The following ACCSL variants were observed in gnomAD, a reference collection of about 807,000 sequenced individuals.
The protein encoded by ACCSL is 1-aminocyclopropane-1-carboxylate synthase homolog (inactive) like.
Under a neutral mutation model 61.7 loss-of-function variants are expected in ACCSL, and 55 were observed. The observed-to-expected ratio is 0.89, with a 90% CI of 0.72 to 1.12. The LOEUF (loss-of-function observed/expected upper bound fraction) is 1.12, where lower values mean the gene tolerates loss of function less well. Ranked by LOEUF, ACCSL falls within the 50% of genes most tolerant of loss-of-function variation. ACCSL has a pLI of 0.00. For missense variants in ACCSL, 632 were observed against 698.0 expected, an observed-to-expected ratio of 0.91 and a Z score of 1.07; for synonymous variants, 258 against 264.3, an observed-to-expected ratio of 0.98 and a Z score of 0.23.
At chr11:43,966,607 A>G in the ACCSL span, among the ~76,000 whole-genome samples, 4,818 of 152,274 alleles carry the variant, frequency 0.032, 277 homozygotes, top group African/African-American at 0.11. Context: ...CAAATAACCC[A>G]ATTAAAAAAT....
chr11:43,973,987 A>T, the ACCSL span: 1 of 152,218 alleles, frequency 6.6e-6, no homozygotes, highest in Non-Finnish European at 1.5e-5. Context: ...AGTGAATGTC[A>T]CTAGCCTGTG....
the ACCSL span, among the ~76,000 whole-genome samples, chr11:43,969,627 C>A: frequency 6.6e-6 from 1 of 152,000 alleles, no homozygotes; most frequent in East Asian, 1.9e-4. Flanking sequence ...GTCAGTGACT[C>A]CCGGGTTCCC....
the ACCSL span, chr11:43,945,764 C>T: frequency 1.3e-5 from 2 of 152,024 alleles, no homozygotes; most frequent in African/African-American, 4.8e-5. Context: ...GAGAGGATCA[C>T]CTGAGCCCAG....
At chr11:43,951,832 C>T in the ACCSL span, among the ~76,000 whole-genome samples, 1 of 152,104 alleles carries the variant, frequency 6.6e-6, no homozygotes, top group African/African-American at 2.4e-5. Context: ...GAAGCCCTGT[C>T]TCTACTAAAA....
At chr11:43,924,053 G>A in the ACCSL span, among the ~76,000 whole-genome samples, 91 of 152,314 alleles carry the variant, frequency 6.0e-4, no homozygotes, top group Middle Eastern at 6.8e-3. Context: ...TTTTAGCTCT[G>A]GATGCAAATT....
At chr11:44,034,158 T>C in the ACCSL span, among the ~76,000 whole-genome samples, 1 of 152,122 alleles carries the variant, frequency 6.6e-6, no homozygotes, top group East Asian at 1.9e-4. Context: ...TAACACCACA[T>C]GTACATGTAG....
At chr11:44,040,355 C>T in the ACCSL span, among the ~76,000 whole-genome samples, 3 of 152,142 alleles carry the variant, frequency 2.0e-5, no homozygotes, top group Admixed American at 2.0e-4. Flanking sequence ...CCAGGTGATG[C>T]CAATACCCTC....
At chr11:43,984,825 G>T in the ACCSL span, among the ~76,000 whole-genome samples, 1 of 152,260 alleles carries the variant, frequency 6.6e-6, no homozygotes, top group Non-Finnish European at 1.5e-5. Flanking sequence ...TGTTCTAAGG[G>T]TCTAGATGCG....
the ACCSL span, among the ~76,000 whole-genome samples, chr11:43,970,638 C>G: frequency 6.6e-6 from 1 of 152,040 alleles, no homozygotes; most frequent in African/African-American, 2.4e-5. Flanking sequence ...TTAAAAAACC[C>G]AACCATTTCT....
chr11:44,058,206 A>T (rs897274530), intron 11 of ACCSL, 111 bp from the exon 12 acceptor site: 1 of 1,329,260 alleles, frequency 7.5e-7, no homozygotes, highest in African/African-American at 1.5e-5. Context: ...AAACAAAACA[A>T]AAACAAACAA....
chr11:44,039,059 C>A, the ACCSL span, among the ~76,000 whole-genome samples: 11 of 152,134 alleles, frequency 7.2e-5, 1 homozygote, highest in Middle Eastern at 0.017. Flanking sequence ...TAAGACAATA[C>A]TTGGTATCTA....
At chr11:43,961,701 T>TTCTCTCTC in the ACCSL span, among the ~76,000 whole-genome samples, 434 of 151,100 alleles carry the variant, frequency 2.9e-3, 4 homozygotes, top group African/African-American at 9.6e-3. Flanking sequence ...TATTGTTTTG[T>TTCTCTCTC]TCTCTCTCTC....
At chr11:44,019,247 C>G in the ACCSL span, among the ~76,000 whole-genome samples, 1 of 152,180 alleles carries the variant, frequency 6.6e-6, no homozygotes, top group Admixed American at 6.5e-5. Context: ...CATATGTGTA[C>G]AAGTGTTTGC....
At chr11:44,013,513 G>T in the ACCSL span, among the ~76,000 whole-genome samples, 3 of 152,134 alleles carry the variant, frequency 2.0e-5, no homozygotes, top group Non-Finnish European at 1.5e-5. Flanking sequence ...GGCTGGTCTC[G>T]AACCCCTGAC....
the ACCSL span, among the ~76,000 whole-genome samples, chr11:44,017,713 A>AT: frequency 1.3e-5 from 2 of 152,186 alleles, no homozygotes; most frequent in Admixed American, 1.3e-4. Flanking sequence ...AGTGGGCATC[A>AT]TAAGAGCTCC....
chr11:43,935,186 G>A, the ACCSL span, among the ~76,000 whole-genome samples: 23 of 152,344 alleles, frequency 1.5e-4, no homozygotes, highest in African/African-American at 4.3e-4. Flanking sequence ...CTTGCTTCCC[G>A]GATGGGGGAA....
At chr11:44,016,072 C>T in the ACCSL span, among the ~76,000 whole-genome samples, 2 of 152,176 alleles carry the variant, frequency 1.3e-5, no homozygotes, top group African/African-American at 4.8e-5. Context: ...GTGGCCCTAG[C>T]ATCCCTAAAC....
At chr11:43,985,212 G>A in the ACCSL span, among the ~76,000 whole-genome samples, 1 of 152,160 alleles carries the variant, frequency 6.6e-6, no homozygotes, top group African/African-American at 2.4e-5. Flanking sequence ...CTCCCAGTGT[G>A]GTTTCAAGGA....
At chr11:44,043,201 G>T (rs960113888), upstream of ACCSL, among the ~76,000 whole-genome samples, 1 of 152,062 alleles carries the variant, frequency 6.6e-6, no homozygotes, top group Non-Finnish European at 1.5e-5. Flanking sequence ...TTGGACAAAT[G>T]GCTATCACCA....
Sources: gnomAD v4.1 joint callset for allele counts (sites outside exome capture counted in the v4.1 genomes callset) on GRCh38, gnomAD v4.1.1 for gene constraint, MANE v1.5 for transcripts, NCBI Gene and HGNC (gene_info 2026-07-23, HGNC 2026-07-21) for gene names.